Variants in FTO observed in about 807,000 individuals in gnomAD.
FTO encodes the protein FTO alpha-ketoglutarate dependent dioxygenase.
A neutral mutation model predicts 63.9 loss-of-function variants in FTO; 47 were observed. The observed-to-expected ratio is 0.74, with a 90% CI of 0.58 to 0.94. The LOEUF (loss-of-function observed/expected upper bound fraction) is 0.94. Among genes scored for constraint, FTO ranks in the 40% least tolerant of loss-of-function variants. The pLI, the probability that FTO is intolerant of heterozygous loss-of-function variation, is 0.00. For missense variants in FTO, 562 were observed against 618.1 expected (o/e 0.91, Z 0.96); for synonymous variants, 207 against 224.4 (o/e 0.92, Z 0.69).
chr16:54,072,862 A>C (rs886940575), intron 8 of FTO, among the ~76,000 whole-genome samples: 12 of 152,298 alleles, frequency 7.9e-5, no homozygotes, highest in Admixed American at 4.6e-4. Context: ...ACCATCTGCC[A>C]CTGGACATAC....
chr16:54,018,432 A>C (rs2098374), intron 8 of FTO, among the ~76,000 whole-genome samples: 20,312 of 77,772 alleles, frequency 0.26, 1,659 homozygotes, highest in African/African-American at 0.38. Flanking sequence ...ATACATACAT[A>C]CATACATACA....
chr16:53,881,122 A>AAATAAATAAATAAATAAAT (rs2080817373), intron 6 of FTO, among the ~76,000 whole-genome samples: 1 of 145,478 alleles, frequency 6.9e-6, no homozygotes, highest in African/African-American at 2.7e-5. Context: ...ACTCCGTCTC[A>AAATAAATAAATAAATAAAT]AAATAAATAA....
chr16:53,731,654 T>C (rs2076271875), intron 1 of FTO, among the ~76,000 whole-genome samples: 1 of 151,942 alleles, frequency 6.6e-6, no homozygotes, highest in Non-Finnish European at 1.5e-5. Context: ...AACCTCCGCC[T>C]GCCGGGTTCA....
chr16:53,888,991 T>C, intron 7 of FTO, 40 bp downstream of exon 7: 1 of 1,610,236 alleles, frequency 6.2e-7, no homozygotes, highest in East Asian at 2.2e-5. Context: ...TCTGGGCTGC[T>C]GTGTTATACA....
intron 7 of FTO, among the ~76,000 whole-genome samples, chr16:53,889,545 G>A (rs1446594762): frequency 2.6e-5 from 4 of 152,160 alleles, no homozygotes; most frequent in Non-Finnish European, 5.9e-5. Flanking sequence ...GATGTGAAAC[G>A]TTAAAAGAAA....
At chr16:53,914,014 G>C (rs2081789313) in intron 7 of FTO, among the ~76,000 whole-genome samples, 1 of 151,528 alleles carries the variant, frequency 6.6e-6, no homozygotes, top group African/African-American at 2.4e-5. Flanking sequence ...CTGGTCATAG[G>C]CCCTGGCCAC....
At chr16:53,958,130 A>G (rs1027655866) in intron 8 of FTO, among the ~76,000 whole-genome samples, 1 of 152,212 alleles carries the variant, frequency 6.6e-6, no homozygotes, top group Non-Finnish European at 1.5e-5. Context: ...AGGTCAATCC[A>G]TTCCTTGACT....
chr16:53,751,493 C>T (rs1362577648), intron 1 of FTO, among the ~76,000 whole-genome samples: 2 of 152,032 alleles, frequency 1.3e-5, no homozygotes, highest in Non-Finnish European at 2.9e-5. Context: ...AGTATTGGCA[C>T]ATGCTACACC....
chr16:54,032,416 A>G (rs1249087889), intron 8 of FTO, among the ~76,000 whole-genome samples: 1 of 152,208 alleles, frequency 6.6e-6, no homozygotes, highest in South Asian at 2.1e-4. Context: ...AGATACAGCC[A>G]TGTAAATTAG....
intron 8 of FTO, among the ~76,000 whole-genome samples, chr16:53,988,903 G>A (rs2083734972): frequency 1.3e-5 from 2 of 152,122 alleles, no homozygotes; most frequent in South Asian, 4.1e-4. Context: ...GACCTAGAAA[G>A]AATCTTAAAA....
intron 7 of FTO, among the ~76,000 whole-genome samples, chr16:53,891,623 T>C (rs894163381): frequency 2.0e-5 from 3 of 152,198 alleles, no homozygotes; most frequent in African/African-American, 7.2e-5. Context: ...ATCGCGTTAC[T>C]GCACTCTAGC....
intron 7 of FTO, among the ~76,000 whole-genome samples, chr16:53,932,104 T>C (rs547943788): frequency 2.3e-3 from 345 of 152,300 alleles, no homozygotes; most frequent in Non-Finnish European, 3.7e-3. Context: ...ATTTGCAACC[T>C]GTGGATCCTG....
chr16:53,979,038 GAA>G (rs2083485675), intron 8 of FTO, among the ~76,000 whole-genome samples: 2 of 151,922 alleles, frequency 1.3e-5, no homozygotes. Flanking sequence ...CTACCACCCA[GAA>G]GGTTAACATT....
chr16:53,810,301 GGTTAAAT>G, intron 2 of FTO, 84 bp downstream of exon 2: 6 of 954,504 alleles, frequency 6.3e-6, no homozygotes, highest in Non-Finnish European at 1.0e-5. Context: ...GGGCTAGAGA[GGTTAAAT>G]GACAGGTGAA....
At chr16:54,071,183 T>C (rs1261297060) in intron 8 of FTO, 1 of 152,204 alleles carries the variant, frequency 6.6e-6, no homozygotes, top group African/African-American at 2.4e-5. Flanking sequence ...AAGATATCAG[T>C]GTCAAGGAGT....
At chr16:53,973,283 G>T (rs2083371396) in intron 8 of FTO, among the ~76,000 whole-genome samples, 1 of 152,188 alleles carries the variant, frequency 6.6e-6, no homozygotes. Context: ...TGTCGGACAT[G>T]GAGCCGTCCC....
intron 8 of FTO, among the ~76,000 whole-genome samples, chr16:54,092,657 T>A (rs568299423): frequency 6.6e-6 from 1 of 152,314 alleles, no homozygotes; most frequent in South Asian, 2.1e-4. Flanking sequence ...CAAAAGACCT[T>A]TCTCCTGGGA....
At chr16:53,882,788 TATA>T (rs2080873190) in intron 6 of FTO, among the ~76,000 whole-genome samples, 1 of 152,216 alleles carries the variant, frequency 6.6e-6, no homozygotes, top group Non-Finnish European at 1.5e-5. Flanking sequence ...CATGGCAACA[TATA>T]ATATCTTTTC....
At chr16:54,059,665 C>T (rs920050760) in intron 8 of FTO, among the ~76,000 whole-genome samples, 4 of 152,010 alleles carry the variant, frequency 2.6e-5, no homozygotes, top group South Asian at 2.1e-4. Context: ...TGGAGTTGGC[C>T]GTTTCGAAGA....
Sources: allele counts gnomAD v4.1 joint callset (sites outside exome capture counted in the v4.1 genomes callset), GRCh38; gene constraint gnomAD v4.1.1; transcripts MANE v1.5; gene names NCBI Gene and HGNC (gene_info 2026-07-23, HGNC 2026-07-21).